Variants in SMC4 observed in about 807,000 individuals in gnomAD.
The protein encoded by SMC4 is structural maintenance of chromosomes protein 4.
SMC4 carries 87 observed loss-of-function variants against 145.6 expected under a neutral mutation model. That is an observed-to-expected ratio of 0.60 (90% CI 0.50 to 0.71). SMC4 has a LOEUF of 0.71. SMC4 is among the 30% of genes least tolerant of loss of function. The pLI, the probability that SMC4 is intolerant of heterozygous loss-of-function variation, is 0.00. For synonymous variants in SMC4, 558 were observed against 500.7 expected, an observed-to-expected ratio of 1.11 and a Z score of -1.53; for missense variants, 1,447 against 1,537.1, an observed-to-expected ratio of 0.94 and a Z score of 0.98.
At chr3:160,413,330 A>G (rs1716226150) in intron 7 of SMC4, 143 bp from the exon 8 acceptor site, 1 of 759,346 alleles carries the variant, frequency 1.3e-6, no homozygotes, top group Non-Finnish European at 2.0e-6. Flanking sequence ...ACCCAGGGGG[A>G]TTTTCCCCTC....
intron 22 of SMC4, 124 bp downstream of exon 22, chr3:160,432,639 T>C: frequency 3.1e-6 from 2 of 642,334 alleles, no homozygotes; most frequent in Non-Finnish European, 2.6e-6. Context: ...TACTAGTAAA[T>C]ACTAATTTGC....
At chr3:160,427,554 G>A (rs1052359308) in intron 17 of SMC4, among the ~76,000 whole-genome samples, 1 of 152,160 alleles carries the variant, frequency 6.6e-6, no homozygotes, top group African/African-American at 2.4e-5. Context: ...GACTGCAAGA[G>A]TCTATATGTG....
chr3:160,409,116 A>C (rs1345827684), intron 5 of SMC4, among the ~76,000 whole-genome samples: 2 of 151,082 alleles, frequency 1.3e-5, no homozygotes, highest in Admixed American at 1.3e-4. Flanking sequence ...AAATACAAAA[A>C]TTAGCCGGGC....
At chr3:160,403,487 C>T (rs1714944255) in intron 4 of SMC4, among the ~76,000 whole-genome samples, 2 of 152,110 alleles carry the variant, frequency 1.3e-5, no homozygotes, top group South Asian at 4.1e-4. Flanking sequence ...AAAAATGACT[C>T]GATGGAACCT....
intron 5 of SMC4, among the ~76,000 whole-genome samples, chr3:160,405,155 C>A (rs1715186156): frequency 6.6e-6 from 1 of 151,994 alleles, no homozygotes; most frequent in African/African-American, 2.4e-5. Flanking sequence ...AGAGCTGTTA[C>A]AGAGCAAGTC....
chr3:160,424,820 C>G (rs766105813), intron 15 of SMC4, 47 bp from the exon 16 acceptor site: 19 of 1,605,564 alleles, frequency 1.2e-5, no homozygotes, highest in Non-Finnish European at 1.4e-5. Flanking sequence ...CGTAAGTTGA[C>G]TTTTCTGTCA....
intron 19 of SMC4, 31 bp from the exon 20 acceptor site, chr3:160,431,001 A>G (rs375309244): frequency 2.5e-6 from 4 of 1,571,646 alleles, no homozygotes; most frequent in African/African-American, 2.8e-5. Flanking sequence ...TATTTGGAAA[A>G]TTCTATCTAG....
chr3:160,409,232 C>G (rs554694719), intron 5 of SMC4, among the ~76,000 whole-genome samples: 2 of 133,302 alleles, frequency 1.5e-5, no homozygotes, highest in South Asian at 4.8e-4. Flanking sequence ...CGCCACTGCA[C>G]TCCAGCCTGG....
chr3:160,407,083 C>T (rs992829873), intron 5 of SMC4, among the ~76,000 whole-genome samples: 1 of 152,070 alleles, frequency 6.6e-6, no homozygotes, highest in African/African-American at 2.4e-5. Context: ...TGCTTTTGCT[C>T]CATTCAGGGG....
At chr3:160,415,506 ATAGAT>A (rs1716487739) in intron 9 of SMC4, among the ~76,000 whole-genome samples, 1 of 152,248 alleles carries the variant, frequency 6.6e-6, no homozygotes, top group East Asian at 1.9e-4. Context: ...CACAATAATT[ATAGAT>A]TAGGCTCTAC....
chr3:160,432,996 A>T, intron 22 of SMC4, 30 bp from the exon 23 acceptor site: 1 of 1,518,886 alleles, frequency 6.6e-7, no homozygotes, highest in South Asian at 1.1e-5. Flanking sequence ...TTTACAGGTA[A>T]TTTGACTATG....
At chr3:160,400,653 T>G in intron 1 of SMC4, 169 bp from the exon 2 acceptor site, 1 of 795,718 alleles carries the variant, frequency 1.3e-6, no homozygotes, top group African/African-American at 1.8e-5. Flanking sequence ...CAGTCCTGCC[T>G]TCTTGCCACT....
intron 15 of SMC4, 100 bp downstream of exon 15, chr3:160,423,940 T>C (rs2108491249): frequency 1.3e-6 from 1 of 761,916 alleles, no homozygotes; most frequent in Non-Finnish European, 2.0e-6. Context: ...AAGTATGGTG[T>C]ACTCAAATTT....
At chr3:160,401,883 G>A in intron 2 of SMC4, 32 bp from the exon 3 acceptor site, 1 of 1,539,122 alleles carries the variant, frequency 6.5e-7, no homozygotes, top group South Asian at 1.2e-5. Flanking sequence ...CCCGCCGTTT[G>A]CCTTCGTTTT....
At chr3:160,416,438 T>A in intron 10 of SMC4, 23 bp downstream of exon 10, 1 of 1,392,548 alleles carries the variant, frequency 7.2e-7, no homozygotes, top group Non-Finnish European at 9.5e-7. Context: ...TTTTTATCAG[T>A]GTTTATTTTG....
At chr3:160,424,192 A>G (rs562480771) in intron 15 of SMC4, among the ~76,000 whole-genome samples, 1 of 152,166 alleles carries the variant, frequency 6.6e-6, no homozygotes, top group Admixed American at 6.5e-5. Flanking sequence ...ATTCTTTAAA[A>G]GTATAGCAAA....
intron 17 of SMC4, 149 bp from the exon 18 acceptor site, chr3:160,428,604 G>GT (rs200972496): frequency 0.17 from 80,027 of 467,210 alleles, 76 homozygotes; most frequent in East Asian, 0.25. Flanking sequence ...ACAGGATATC[G>GT]TTTTTTTTTT....
intron 18 of SMC4, 78 bp downstream of exon 18, chr3:160,429,020 C>T: frequency 8.4e-7 from 1 of 1,194,826 alleles, no homozygotes; most frequent in Non-Finnish European, 1.2e-6. Context: ...ATGTAATGTT[C>T]CATAAAATGT....
At chr3:160,399,967 A>G (rs1249013517) in intron 1 of SMC4, 1 of 151,982 alleles carries the variant, frequency 6.6e-6, no homozygotes, top group Non-Finnish European at 1.5e-5. Context: ...CAAGCTACTC[A>G]AATGTCTCGG....
Sources: allele counts gnomAD v4.1 joint callset (sites outside exome capture counted in the v4.1 genomes callset), GRCh38; gene constraint gnomAD v4.1.1; transcripts MANE v1.5; gene names NCBI Gene and HGNC (gene_info 2026-07-23, HGNC 2026-07-21).